Variants in GALNT13 observed in about 807,000 individuals in gnomAD.
The protein encoded by GALNT13 is UDP-GalNAc:polypeptide N-acetylgalactosaminyltransferase 13.
In GALNT13, 28 loss-of-function variants were observed where a neutral mutation model predicts 64.2. That is an observed-to-expected ratio of 0.44 (90% CI 0.32 to 0.60). The LOEUF is 0.60. GALNT13 is among the 20% of genes least tolerant of loss of function. GALNT13 has a pLI of 0.05. For missense variants in GALNT13, 577 were observed against 669.8 expected, an observed-to-expected ratio of 0.86 and a Z score of 1.53; for synonymous variants, 214 against 224.6, an observed-to-expected ratio of 0.95 and a Z score of 0.42.
the GALNT13 span, among the ~76,000 whole-genome samples, chr2:153,681,106 T>G: frequency 6.6e-6 from 1 of 151,820 alleles, no homozygotes; most frequent in East Asian, 1.9e-4. Flanking sequence ...ATTCCTCCAT[T>G]AAGCTAGAAA....
the GALNT13 span, among the ~76,000 whole-genome samples, chr2:153,741,980 T>G: frequency 6.6e-6 from 1 of 152,192 alleles, no homozygotes; most frequent in Non-Finnish European, 1.5e-5. Context: ...ATTGTTGTAA[T>G]TAGAACATTT....
intron 9 of GALNT13, among the ~76,000 whole-genome samples, chr2:154,347,155 ATTAT>A (rs1364851458): frequency 1.3e-5 from 2 of 152,106 alleles, no homozygotes; most frequent in African/African-American, 2.4e-5. Flanking sequence ...AATTAATGCT[ATTAT>A]TTAATTTCTA....
At chr2:153,103,416 C>G in the GALNT13 span, among the ~76,000 whole-genome samples, 2 of 152,210 alleles carry the variant, frequency 1.3e-5, no homozygotes, top group African/African-American at 4.8e-5. Context: ...CCTGCCCACT[C>G]TACATAGGCC....
At chr2:153,786,590 G>A in the GALNT13 span, among the ~76,000 whole-genome samples, 1,747 of 151,394 alleles carry the variant, frequency 0.012, 40 homozygotes, top group African/African-American at 0.04. Context: ...ATGATACTGA[G>A]AGGAGATCAG....
the GALNT13 span, among the ~76,000 whole-genome samples, chr2:153,583,919 C>T: frequency 6.6e-6 from 1 of 152,168 alleles, no homozygotes; most frequent in Non-Finnish European, 1.5e-5. Context: ...CCTCTGGGAA[C>T]TGAGCGGAAG....
the GALNT13 span, among the ~76,000 whole-genome samples, chr2:153,090,079 G>T: frequency 6.6e-6 from 1 of 152,038 alleles, no homozygotes; most frequent in African/African-American, 2.4e-5. Context: ...AGTGTTTCCA[G>T]TCTGGAAACA....
intron 4 of GALNT13, among the ~76,000 whole-genome samples, chr2:154,156,264 C>G (rs1684415983): frequency 1.3e-5 from 2 of 151,894 alleles, no homozygotes; most frequent in Admixed American, 6.6e-5. Flanking sequence ...CATATAAATT[C>G]TTAAGTAAAA....
chr2:153,994,876 C>T (rs1445632292), intron 3 of GALNT13, among the ~76,000 whole-genome samples: 1 of 152,012 alleles, frequency 6.6e-6, no homozygotes, highest in Admixed American at 6.6e-5. Flanking sequence ...GTTGCCTGTT[C>T]ACTCCGATGG....
the GALNT13 span, among the ~76,000 whole-genome samples, chr2:153,120,476 A>G: frequency 6.6e-6 from 1 of 152,132 alleles, no homozygotes; most frequent in Admixed American, 6.6e-5. Flanking sequence ...TTTTCTACTT[A>G]TGACCCTCAG....
the GALNT13 span, among the ~76,000 whole-genome samples, chr2:153,332,545 T>C: frequency 6.6e-6 from 1 of 151,780 alleles, no homozygotes; most frequent in African/African-American, 2.4e-5. Context: ...TTTTTTTTTT[T>C]TTTTCTTTTC....
intron 9 of GALNT13, among the ~76,000 whole-genome samples, chr2:154,377,124 T>C (rs1158486652): frequency 1.3e-5 from 2 of 152,176 alleles, no homozygotes; most frequent in Non-Finnish European, 2.9e-5. Context: ...GTGCTGAGAA[T>C]AATAGGCAAT....
the GALNT13 span, among the ~76,000 whole-genome samples, chr2:153,676,723 A>G: frequency 6.6e-6 from 1 of 152,184 alleles, no homozygotes; most frequent in Non-Finnish European, 1.5e-5. Flanking sequence ...ATGGTTCAAC[A>G]TATGCAAATG....
the GALNT13 span, among the ~76,000 whole-genome samples, chr2:153,536,335 C>A: frequency 6.6e-6 from 1 of 152,206 alleles, no homozygotes; most frequent in Admixed American, 6.5e-5. Context: ...CTGGTTCTCA[C>A]AAGGATTACT....
At chr2:153,705,376 T>C in the GALNT13 span, among the ~76,000 whole-genome samples, 7 of 151,788 alleles carry the variant, frequency 4.6e-5, no homozygotes, top group South Asian at 2.1e-4. Flanking sequence ...TTTCTGTTCA[T>C]TGATGGAGGT....
chr2:154,455,015 G>A (rs1428344080), downstream of GALNT13, among the ~76,000 whole-genome samples: 2 of 152,086 alleles, frequency 1.3e-5, no homozygotes, highest in East Asian at 3.9e-4. Flanking sequence ...GAGATTTCTA[G>A]GCTTCCCAGT....
At chr2:153,756,242 G>A in the GALNT13 span, among the ~76,000 whole-genome samples, 1 of 152,028 alleles carries the variant, frequency 6.6e-6, no homozygotes, top group Non-Finnish European at 1.5e-5. Context: ...AATATCTTTT[G>A]TGGAAAAGTC....
chr2:153,602,893 C>T, the GALNT13 span, among the ~76,000 whole-genome samples: 8 of 151,724 alleles, frequency 5.3e-5, no homozygotes, highest in Admixed American at 4.0e-4. Context: ...GTTCAGCAAA[C>T]CAAAGTAGAA....
At chr2:153,601,579 G>A in the GALNT13 span, among the ~76,000 whole-genome samples, 1 of 150,984 alleles carries the variant, frequency 6.6e-6, no homozygotes, top group Non-Finnish European at 1.5e-5. Context: ...GCAGAACAAG[G>A]GCAAACTCTT....
chr2:153,658,921 G>A, the GALNT13 span, among the ~76,000 whole-genome samples: 1 of 151,886 alleles, frequency 6.6e-6, no homozygotes, highest in African/African-American at 2.4e-5. Flanking sequence ...GCCCACGTTT[G>A]TGCCTTCTAA....
Sources: gnomAD v4.1 joint callset for allele counts (sites outside exome capture counted in the v4.1 genomes callset) on GRCh38, gnomAD v4.1.1 for gene constraint, MANE v1.5 for transcripts, NCBI Gene and HGNC (gene_info 2026-07-23, HGNC 2026-07-21) for gene names.